Variants in DMC1 observed in about 807,000 individuals in gnomAD.
DMC1 encodes DNA meiotic recombinase 1, also known as meiotic recombination protein DMC1 homolog.
In DMC1, 27 loss-of-function variants were observed where a neutral mutation model predicts 50.1. That is an observed-to-expected ratio of 0.54 (90% CI 0.40 to 0.74). The LOEUF (loss-of-function observed/expected upper bound fraction) is 0.74. DMC1 is among the 30% of genes least tolerant of loss of function. The pLI is 0.00. For missense variants in DMC1, 295 were observed against 420.2 expected (o/e 0.70, Z 2.60); for synonymous variants, 148 against 136.1 (o/e 1.09, Z -0.61).
chr22:38,555,345 G>T lies in DMC1; in HGVS notation c.379+12C>A. ...AATATTTCATTTAACAAAATATTAAGGTTCTACCTACCTCCAAAAGCTTCT... is the reference window on the plus strand; with the variant it reads ...AATATTTCATTTAACAAAATATTAATGTTCTACCTACCTCCAAAAGCTTCT... On this transcript the variant is annotated intron_variant, in intron 6 of 13. Transcript: ENST00000216024. 2 of 1,584,906 alleles carry T rather than the reference G, an allele frequency of 1.3e-6. No individual in the cohort carries two copies. Among genetic ancestry groups the T allele is most frequent in the South Asian group, 1.1e-5 (1 of 90,430 alleles).
chr22:38,514,563 G>T (rs1002786043), downstream of DMC1, among the ~76,000 whole-genome samples: 1 of 151,954 alleles, frequency 6.6e-6, no homozygotes, highest in African/African-American at 2.4e-5. Context: ...GAGACAGGAG[G>T]TCACAAAGAT....
chr22:38,537,705 A>G (rs1449831157), intron 11 of DMC1, 53 bp from the exon 12 acceptor site: 1 of 1,378,546 alleles, frequency 7.3e-7, no homozygotes, highest in East Asian at 2.3e-5. Context: ...ATAGATATTT[A>G]AAAGTTCATT....
intron 8 of DMC1, chr22:38,549,702 C>A: frequency 2.0e-6 from 1 of 488,604 alleles, no homozygotes; most frequent in Non-Finnish European, 3.7e-6. Flanking sequence ...ATATAATTTC[C>A]TCTCATGTAT....
In DMC1 at chr22:38,523,720, A is replaced by G. The variant is rs544869834; in HGVS notation, c.837-1996T>C. ...AAGGCGGAGGCTGCAGTGAGCTGAG[A>G]TTGCGCCACTGTACTCTAGCCTGGG... On this transcript the variant is annotated intron_variant, in intron 12 of 13. Transcript: ENST00000216024. Among the ~76,000 whole-genome samples the G allele has an allele frequency of 4.0e-5, 6 of 151,850 alleles. No homozygotes were observed. In the South Asian group the frequency reaches 1.0e-3, roughly 26 times the overall value.
At chr22:38,551,309 T>C (rs1371974014) in intron 7 of DMC1, among the ~76,000 whole-genome samples, 1 of 152,142 alleles carries the variant, frequency 6.6e-6, no homozygotes, top group Admixed American at 6.5e-5. Flanking sequence ...TTTAAATTAA[T>C]GTATGTCAAA....
chr22:38,524,748 GC>G (rs1361157157), intron 12 of DMC1, among the ~76,000 whole-genome samples: 1 of 151,998 alleles, frequency 6.6e-6, no homozygotes, highest in African/African-American at 2.4e-5. Context: ...TAGAAAACTG[GC>G]CCCCTCTGTG....
At chr22:38,545,787 T>C (rs1287144178) in intron 8 of DMC1, 3 of 152,222 alleles carry the variant, frequency 2.0e-5, no homozygotes, top group Admixed American at 2.0e-4. Flanking sequence ...TATAAATATT[T>C]ATTAACCAAT....
intron 12 of DMC1, among the ~76,000 whole-genome samples, chr22:38,533,501 G>C (rs1165469217): frequency 6.6e-6 from 1 of 151,546 alleles, no homozygotes; most frequent in Non-Finnish European, 1.5e-5. Flanking sequence ...TGCTTAAAGA[G>C]AGACACATTC....
At chr22:38,536,884 CTT>C (rs2090218996) in intron 12 of DMC1, among the ~76,000 whole-genome samples, 1 of 152,072 alleles carries the variant, frequency 6.6e-6, no homozygotes, top group Admixed American at 6.6e-5. Context: ...CAGTTTTGCT[CTT>C]GTTGCACAAG....
chr22:38,538,023 A>G (rs1285604894), intron 11 of DMC1, among the ~76,000 whole-genome samples: 1 of 152,068 alleles, frequency 6.6e-6, no homozygotes, highest in African/African-American at 2.4e-5. Flanking sequence ...AGGTGCCTGT[A>G]ATTCCAGCTA....
chr22:38,534,528 C>T (rs1474310139), intron 12 of DMC1, among the ~76,000 whole-genome samples: 1 of 151,788 alleles, frequency 6.6e-6, no homozygotes, highest in Non-Finnish European at 1.5e-5. Flanking sequence ...CATGAAGAAA[C>T]CCCGTCTCTA....
chr22:38,518,228 T>G (rs2089989776), downstream of DMC1, among the ~76,000 whole-genome samples: 1 of 152,206 alleles, frequency 6.6e-6, no homozygotes, highest in Non-Finnish European at 1.5e-5. Context: ...CACCTCGGCC[T>G]CTCAAAGTGC....
At chr22:38,567,658 TTTGATTC>T (rs1199546523) in intron 2 of DMC1, 31 bp from the exon 3 acceptor site, 1 of 1,528,236 alleles carries the variant, frequency 6.5e-7, no homozygotes, top group East Asian at 2.2e-5. Flanking sequence ...AAAATGAAGT[TTTGATTC>T]TTCATATCCA....
intron 8 of DMC1, among the ~76,000 whole-genome samples, chr22:38,543,151 T>A (rs2090304757): frequency 1.3e-5 from 2 of 152,164 alleles, no homozygotes; most frequent in Non-Finnish European, 2.9e-5. Flanking sequence ...TGGGTAAAGA[T>A]TTCTTGAGTA....
At chr22:38,547,371 C>G (rs914543973) in intron 8 of DMC1, among the ~76,000 whole-genome samples, 4 of 152,138 alleles carry the variant, frequency 2.6e-5, no homozygotes, top group Admixed American at 6.5e-5. Context: ...TGGACTAAAA[C>G]AGATTCATCT....
At chr22:38,549,362 C>T (rs2090378526) in intron 8 of DMC1, 2 of 153,096 alleles carry the variant, frequency 1.3e-5, no homozygotes, top group South Asian at 2.1e-4. Context: ...TCGCTCACCC[C>T]TGTAATCCTA....
intron 12 of DMC1, among the ~76,000 whole-genome samples, chr22:38,525,868 A>G (rs969339996): frequency 6.6e-6 from 1 of 152,062 alleles, no homozygotes; most frequent in African/African-American, 2.4e-5. Context: ...CAAGTCCAGG[A>G]AGTTGAGGCT....
chr22:38,548,589 T>A (rs1185389215), intron 8 of DMC1, among the ~76,000 whole-genome samples: 3 of 151,204 alleles, frequency 2.0e-5, no homozygotes, highest in Non-Finnish European at 4.4e-5. Context: ...AAGAAAAAAA[T>A]TAGGCCAGGC....
intron 5 of DMC1, among the ~76,000 whole-genome samples, chr22:38,558,693 C>T (rs1211084214): frequency 2.0e-5 from 3 of 151,744 alleles, no homozygotes; most frequent in Admixed American, 6.6e-5. Context: ...CCAGCCTGGG[C>T]GACACAGCAA....
Sources: gnomAD v4.1 joint callset for allele counts (sites outside exome capture counted in the v4.1 genomes callset) on GRCh38, gnomAD v4.1.1 for gene constraint, MANE v1.5 for transcripts, NCBI Gene and HGNC (gene_info 2026-07-23, HGNC 2026-07-21) for gene names.